The following MARCHF6 variants were observed in gnomAD, a reference collection of about 807,000 sequenced individuals.
The protein encoded by MARCHF6 is E3 ubiquitin-protein ligase MARCHF6.
In MARCHF6, 31 loss-of-function variants were observed where a neutral mutation model predicts 133.7. That is an observed-to-expected ratio of 0.23 (90% CI 0.17 to 0.31). MARCHF6 has a LOEUF of 0.31. MARCHF6 is among the 10% of genes least tolerant of loss of function. MARCHF6 has a pLI of 1.00. For missense variants in MARCHF6, 723 were observed against 1,121.6 expected (o/e 0.64, Z 5.08); for synonymous variants, 395 against 402.5 (o/e 0.98, Z 0.22).
At chr5:10,383,318 A>C (rs1481020112) in intron 4 of MARCHF6, among the ~76,000 whole-genome samples, 11 of 152,198 alleles carry the variant, frequency 7.2e-5, no homozygotes, top group Non-Finnish European at 1.3e-4. Context: ...ACAAGGTAAA[A>C]GAGATAATGG....
At chr5:10,428,344 T>G (rs909128584) in intron 24 of MARCHF6, among the ~76,000 whole-genome samples, 6 of 141,484 alleles carry the variant, frequency 4.2e-5, no homozygotes, top group Admixed American at 1.4e-4. Flanking sequence ...TTTTTTTTTT[T>G]TTTTTTTTTT....
In MARCHF6 at chr5:10,353,717, T is replaced by G. The variant is rs191797699; in HGVS notation, c.-182T>G. ...GGTGTTCCCGCCCCTCCCCCTCCCGTGTCGCTCGCTTTCTGTCAGCCTCTC... is the reference window on the plus strand; with the variant it reads ...GGTGTTCCCGCCCCTCCCCCTCCCGGGTCGCTCGCTTTCTGTCAGCCTCTC... On this transcript the variant is annotated 5_prime_UTR_variant, in exon 1 of 26. Transcript: ENST00000274140. 15 of 222,746 alleles carry G rather than the reference T, an allele frequency of 6.7e-5. No homozygotes were observed. The highest frequency in any genetic ancestry group is 5.9e-4 in the East Asian group (3 of 5,082). 13.8% of individuals were successfully genotyped at this position (222,746 alleles called of 1,614,324 possible). A position where few individuals can be genotyped will look rare whatever the true frequency, so the allele number is the denominator to read the frequency against.
rs781154170 is a variant in MARCHF6, at chr5:10,390,339, T to C, written c.415T>C (p.Leu139=). 6.2e-7 allele frequency: 1 copy of C among 1,612,310 alleles called. No individual in the cohort carries two copies. The highest frequency in any genetic ancestry group is 1.1e-5 in the South Asian group (1 of 90,480). The change falls in exon 6 of 26, where the codon TTG becomes CTG. Residue 139 remains leucine, a synonymous_variant. Transcript: ENST00000274140. ...LPLDMLSTEN[L]LADCLQGCFV... ...TACTTTTTTTTTTAATAGGGAAAATTTGTTGGCAGATTGTTTGCAGGGTTG... is the reference window on the plus strand; with the variant it reads ...TACTTTTTTTTTTAATAGGGAAAATCTGTTGGCAGATTGTTTGCAGGGTTG...
Position 10,426,608 on chromosome 5 carries a change from A to G in MARCHF6, c.2506+86A>G, listed in dbSNP as rs953107327. On this transcript the variant is annotated intron_variant, in intron 24 of 25. Transcript: ENST00000274140. ...TTACCCCTAGTAAAAAGGATGTCTCACTCCATATGCTTTATTTGTAAATGT... is the reference window on the plus strand; with the variant it reads ...TTACCCCTAGTAAAAAGGATGTCTCGCTCCATATGCTTTATTTGTAAATGT... The G allele has an allele frequency of 4.4e-6, 6 of 1,377,870 alleles. No homozygotes were observed. In the Admixed American group the frequency reaches 1.0e-4, roughly 24 times the overall value. The allele number at this position is 1,377,870 out of a possible 1,614,324, so 85.4% of individuals were successfully genotyped here.
intron 14 of MARCHF6, 140 bp downstream of exon 14, chr5:10,402,747 CTTAATG>C (rs1013203779): frequency 3.9e-6 from 3 of 770,952 alleles, no homozygotes; most frequent in African/African-American, 3.5e-5. Flanking sequence ...AGTATAGGAT[CTTAATG>C]TTAATTTTTC....
chr5:10,378,440 A>G (rs1736919707), intron 2 of MARCHF6, among the ~76,000 whole-genome samples: 1 of 152,228 alleles, frequency 6.6e-6, no homozygotes, highest in South Asian at 2.1e-4. Context: ...GCTACCAGGT[A>G]CCAGTATTAT....
At chr5:10,361,269 G>A (rs1309425346) in intron 1 of MARCHF6, among the ~76,000 whole-genome samples, 1 of 152,220 alleles carries the variant, frequency 6.6e-6, no homozygotes, top group Non-Finnish European at 1.5e-5. Context: ...AAAGAGATAA[G>A]TAGTTCAGTT....
At chr5:10,376,302 C>T (rs531284157) in intron 1 of MARCHF6, among the ~76,000 whole-genome samples, 28 of 152,214 alleles carry the variant, frequency 1.8e-4, no homozygotes, top group Admixed American at 1.3e-3. Context: ...ACTCCAGACG[C>T]GCTGCCTTAA....
chr5:10,399,327 A>C (rs538248260), intron 10 of MARCHF6, among the ~76,000 whole-genome samples: 2 of 151,998 alleles, frequency 1.3e-5, no homozygotes, highest in South Asian at 4.1e-4. Flanking sequence ...TTTATAAATA[A>C]ATTTAAATAT....
chr5:10,405,943 G>T (rs1270644560), intron 16 of MARCHF6, among the ~76,000 whole-genome samples: 1 of 152,082 alleles, frequency 6.6e-6, no homozygotes. Flanking sequence ...CCATGTTTTG[G>T]CTGGGTACTG....
chr5:10,405,784 G>A (rs1738848714), intron 16 of MARCHF6, 107 bp downstream of exon 16: 2 of 935,748 alleles, frequency 2.1e-6, no homozygotes, highest in Non-Finnish European at 1.5e-6. Flanking sequence ...AGAGTATATT[G>A]AATAATATAT....
intron 23 of MARCHF6, 68 bp from the exon 24 acceptor site, chr5:10,426,322 G>A (rs1740083168): frequency 6.4e-7 from 1 of 1,551,912 alleles, no homozygotes; most frequent in Admixed American, 1.8e-5. Flanking sequence ...GTTGTGTGGA[G>A]ATTGCTGTAT....
chr5:10,394,798 A>AT lies in MARCHF6; in HGVS notation c.861+13_861+14insT. ...ACTAGTTTTTCTGGTAAGTAAAACT[A>AT]ATTTTTTTTTTTTTTTTTTGAGACG... On this transcript the variant is annotated intron_variant, in intron 9 of 25. Transcript: ENST00000274140. The AT allele has an allele frequency of 4.7e-6, 7 of 1,494,086 alleles. No homozygotes were observed. Among genetic ancestry groups the AT allele is most frequent in the South Asian group, 1.2e-5 (1 of 82,522 alleles). The allele number at this position is 1,494,086 out of a possible 1,614,324, so 92.6% of individuals were successfully genotyped here.
chr5:10,360,264 C>G (rs1210244839), intron 1 of MARCHF6, among the ~76,000 whole-genome samples: 1 of 150,924 alleles, frequency 6.6e-6, no homozygotes. Flanking sequence ...ATTCTCCTGC[C>G]TCAGCCTCCC....
chr5:10,421,885 C>T, intron 22 of MARCHF6: 1 of 152,216 alleles, frequency 6.6e-6, no homozygotes, highest in East Asian at 1.9e-4. Context: ...AGGCCCAAGC[C>T]TCCTTGAGGC....
At chr5:10,356,319 T>TA (rs1311187749) in intron 1 of MARCHF6, among the ~76,000 whole-genome samples, 9 of 151,262 alleles carry the variant, frequency 5.9e-5, no homozygotes. Flanking sequence ...TGAAAACACT[T>TA]ATACTGTTGT....
intron 7 of MARCHF6, 86 bp downstream of exon 7, chr5:10,391,817 T>C: frequency 7.7e-7 from 1 of 1,300,936 alleles, no homozygotes; most frequent in Non-Finnish European, 1.0e-6. Context: ...CGTTTTCAAA[T>C]TTTTAATGTT....
Position 10,367,309 on chromosome 5 carries a change from G to A in MARCHF6, c.20-10489G>A, listed in dbSNP as rs76031231. On this transcript the variant is annotated intron_variant, in intron 1 of 25. Transcript: ENST00000274140. ...AGTTAATGACAATGTATCAATATTGGTTAAGTGTAACAAAAGTGTAACAAA... is the reference window on the plus strand; with the variant it reads ...AGTTAATGACAATGTATCAATATTGATTAAGTGTAACAAAAGTGTAACAAA... Among the ~76,000 whole-genome samples, 954 of 152,276 alleles carry A rather than the reference G, an allele frequency of 6.3e-3. 12 individuals are homozygous for A. Among genetic ancestry groups the A allele is most frequent in the South Asian group, 0.011 (55 of 4,830 alleles).
chr5:10,379,460 CTT>C (rs11362340), intron 3 of MARCHF6, among the ~76,000 whole-genome samples: 165 of 144,472 alleles, frequency 1.1e-3, no homozygotes, highest in Non-Finnish European at 1.2e-3. Flanking sequence ...AAAGATAAAG[CTT>C]TTTTTTTTTT....
Sources: gnomAD v4.1 joint callset for allele counts (sites outside exome capture counted in the v4.1 genomes callset) on GRCh38, gnomAD v4.1.1 for gene constraint, MANE v1.5 for transcripts, NCBI Gene and HGNC (gene_info 2026-07-23, HGNC 2026-07-21) for gene names.